The following EFR3B variants were observed in gnomAD, a reference collection of about 807,000 sequenced individuals.
The protein encoded by EFR3B is protein EFR3 homolog B.
EFR3B carries 64 observed loss-of-function variants against 104.7 expected under a neutral mutation model. The observed-to-expected ratio is 0.61, with a 90% CI of 0.50 to 0.75. The LOEUF is 0.75. Among genes scored for constraint, EFR3B ranks in the 30% least tolerant of loss-of-function variants. The pLI, the probability that EFR3B is intolerant of heterozygous loss-of-function variation, is 0.00. For missense variants in EFR3B, 750 were observed against 1,078.5 expected (o/e 0.70, Z 4.27); for synonymous variants, 385 against 417.9 (o/e 0.92, Z 0.96).
chr2:25,139,379 G>A (rs1670601014), intron 16 of EFR3B, among the ~76,000 whole-genome samples, 189 bp downstream of exon 16: 1 of 152,086 alleles, frequency 6.6e-6, no homozygotes, highest in Admixed American at 6.5e-5. Context: ...AAAGCAGGGT[G>A]GGGTTAGGCA....
Position 25,080,483 on chromosome 2 carries a change from C to T in EFR3B, c.8-10842C>T, listed in dbSNP as rs183286821. The T allele has an allele frequency of 7.8e-3, 3,655 of 469,840 alleles. 49 individuals carry two copies. Among genetic ancestry groups the T allele is most frequent in the Admixed American group, 0.032 (874 of 27,018 alleles). The allele number at this position is 469,840 out of a possible 1,614,324, so 29.1% of individuals were successfully genotyped here. A position where few individuals can be genotyped will look rare whatever the true frequency, so the allele number is the denominator to read the frequency against. ...CTAATTTTTGTATTTTTATTAGAGA[C>T]GGGGTTTCACCGTGTTGGCCAGACT... is the stretch of plus-strand genomic sequence containing the variant. On this transcript the variant is annotated intron_variant, in intron 1 of 22. Coordinates refer to ENST00000403714, the MANE Select transcript of EFR3B (RefSeq NM_014971.2).
intron 4 of EFR3B, chr2:25,116,068 C>T (rs967904014): frequency 6.6e-6 from 1 of 152,236 alleles, no homozygotes; most frequent in Admixed American, 6.5e-5. Context: ...AGTGGAGTCC[C>T]AGGCATGTTA....
intron 1 of EFR3B, among the ~76,000 whole-genome samples, chr2:25,059,031 A>G (rs1251110744): frequency 6.6e-6 from 1 of 152,202 alleles, no homozygotes; most frequent in Non-Finnish European, 1.5e-5. Context: ...GCCTAACCAT[A>G]GAAGCAGCCT....
intron 3 of EFR3B, among the ~76,000 whole-genome samples, chr2:25,093,702 A>G (rs535767104): frequency 6.6e-6 from 1 of 152,146 alleles, no homozygotes; most frequent in Admixed American, 6.5e-5. Flanking sequence ...AGAAGCCCTC[A>G]TACAGTCTGG....
Position 25,121,805 on chromosome 2 carries a change from G to A in EFR3B, c.485+11G>A. On this transcript the variant is annotated intron_variant, in intron 5 of 22. Transcript: ENST00000403714. ...AGAAATCAAGACCAAGTGAGTAGGGGAAGGCAAGGGTAGTTGGTTCAGCTT... is the reference window on the plus strand; with the variant it reads ...AGAAATCAAGACCAAGTGAGTAGGGAAAGGCAAGGGTAGTTGGTTCAGCTT... 1 of 1,551,818 alleles carries A rather than the reference G, an allele frequency of 6.4e-7. No individual in the cohort carries two copies. Among genetic ancestry groups the A allele is most frequent in the Non-Finnish European group, 8.7e-7 (1 of 1,147,004 alleles).
intron 11 of EFR3B, 44 bp downstream of exon 11, chr2:25,133,058 A>G (rs2149206386): frequency 6.6e-7 from 1 of 1,509,104 alleles, no homozygotes; most frequent in Non-Finnish European, 9.0e-7. Context: ...CCTCTCCCCC[A>G]GCTGCATTTT....
chr2:25,081,056 T>G, intron 1 of EFR3B: 1 of 740,390 alleles, frequency 1.4e-6, no homozygotes, highest in South Asian at 1.4e-5. Flanking sequence ...GTGAACTTCC[T>G]ATTAATATAG....
At chr2:25,113,529 G>C (rs376326561) in intron 4 of EFR3B, among the ~76,000 whole-genome samples, 4 of 151,980 alleles carry the variant, frequency 2.6e-5, no homozygotes, top group Admixed American at 1.3e-4. Flanking sequence ...TTAGCTGGGC[G>C]TGGTGGCGGG....
chr2:25,059,850 G>A (rs1217531003), intron 1 of EFR3B, among the ~76,000 whole-genome samples: 2 of 139,068 alleles, frequency 1.4e-5, no homozygotes, highest in Admixed American at 7.6e-5. Context: ...ACTCCAACCT[G>A]GGCAACAAGA....
chr2:25,132,511 C>T (rs1409177469), intron 10 of EFR3B, among the ~76,000 whole-genome samples: 2 of 152,124 alleles, frequency 1.3e-5, no homozygotes, highest in Non-Finnish European at 2.9e-5. Context: ...CAGAACCATT[C>T]TTCTCTCTTA....
At chr2:25,107,993 C>T (rs919470433) in intron 4 of EFR3B, among the ~76,000 whole-genome samples, 3 of 152,078 alleles carry the variant, frequency 2.0e-5, no homozygotes, top group African/African-American at 7.2e-5. Flanking sequence ...ACCACCATGC[C>T]TGGCTAGTTT....
Position 25,130,740 on chromosome 2 carries a change from C to A in EFR3B, c.849+110C>A. The A allele has an allele frequency of 1.0e-6, 1 of 1,004,766 alleles. No homozygotes were observed. The highest frequency in any genetic ancestry group is 1.4e-5 in the South Asian group (1 of 71,280). The allele number at this position is 1,004,766 out of a possible 1,614,324, so 62.2% of individuals were successfully genotyped here. A position where few individuals can be genotyped will look rare whatever the true frequency, so the allele number is the denominator to read the frequency against. On this transcript the variant is annotated intron_variant, in intron 8 of 22. Coordinates refer to ENST00000403714, the MANE Select transcript of EFR3B (RefSeq NM_014971.2). The surrounding 1 kb of genome is among the most constrained non-coding windows in gnomAD (Gnocchi z 4.6). The stretch of plus-strand genomic sequence containing the variant: ...GTCCCCTGTGACTCCTCCGAAGCCC[C>A]CAGTTGCCGAAACCAGTGCTGCTTA...
chr2:25,081,609 G>A (rs1007891026), intron 1 of EFR3B: 9 of 769,276 alleles, frequency 1.2e-5, no homozygotes, highest in Non-Finnish European at 1.9e-5. Flanking sequence ...CCTGAGCAGT[G>A]GCCCGCAGGG....
At chr2:25,133,212 G>T (rs747010146) in intron 11 of EFR3B, among the ~76,000 whole-genome samples, 171 bp from the exon 12 acceptor site, 6 of 152,166 alleles carry the variant, frequency 3.9e-5, no homozygotes, top group African/African-American at 4.8e-5. Context: ...CTCCCAACGT[G>T]GGGGGAGCCA....
chr2:25,141,451 G>T lies in EFR3B; in HGVS notation c.1922+18G>T. The T allele has an allele frequency of 6.4e-7, 1 of 1,550,640 alleles. No homozygotes were observed. Among genetic ancestry groups the T allele is most frequent in the Non-Finnish European group, 8.7e-7 (1 of 1,146,564 alleles). On this transcript the variant is annotated intron_variant, in intron 17 of 22. Transcript: ENST00000403714. ...AGGCCCAGGTGAGGAGAGGACGGGG[G>T]ACGTGGTCAGGGATCCCCAGGGCAG...
chr2:25,060,194 T>C (rs1668150207), intron 1 of EFR3B, among the ~76,000 whole-genome samples: 1 of 152,044 alleles, frequency 6.6e-6, no homozygotes, highest in South Asian at 2.1e-4. Flanking sequence ...AGACTCCGTC[T>C]CAAAAAAAAA....
rs1435633896 is a variant in EFR3B, at chr2:25,091,335, C to T, written c.18C>T (p.Gly6=). MYGVC[G]CCGALRPRYK... is the part of the protein sequence containing the mutation. ...CCATTCTTATTCCAGGTGTGTGTGG[C>T]TGCTGTGGTGCCCTACGCCCCAGGT... Residue 6 remains glycine (G), a synonymous_variant, in exon 2 of 23, where the codon GGC becomes GGT. Transcript: ENST00000403714. 3 of 1,550,362 alleles carry T rather than the reference C, an allele frequency of 1.9e-6. 1 individual carries two copies. The South Asian group carries it at 3.6e-5, about 18-fold the overall frequency.
At chr2:25,143,884 G>A (rs1388510405) in intron 18 of EFR3B, 22 bp downstream of exon 18, 3 of 1,547,736 alleles carry the variant, frequency 1.9e-6, no homozygotes. Flanking sequence ...GTGCAGGGAT[G>A]CCCGGGCCTG....
At chr2:25,083,021 G>T (rs1238295909) in intron 1 of EFR3B, among the ~76,000 whole-genome samples, 1 of 152,106 alleles carries the variant, frequency 6.6e-6, no homozygotes, top group Non-Finnish European at 1.5e-5. Context: ...CCATTCTCAT[G>T]GTTTTAAAGG....
Sources: allele counts gnomAD v4.1 joint callset (sites outside exome capture counted in the v4.1 genomes callset), GRCh38; gene constraint gnomAD v4.1.1; non-coding constraint Gnocchi (gnomAD v3.1); transcripts MANE v1.5; gene names NCBI Gene and HGNC (gene_info 2026-07-23, HGNC 2026-07-21).